Variants in EYA4 observed in about 807,000 individuals in gnomAD.
EYA4 encodes protein phosphatase EYA4.
In EYA4, 31 loss-of-function variants were observed where a neutral mutation model predicts 87.9. The observed-to-expected ratio is 0.35, with a 90% CI of 0.27 to 0.48. EYA4 has a LOEUF of 0.48. Ranked by LOEUF, EYA4 falls within the 20% of genes least tolerant of loss-of-function variation. The pLI is 0.99. For missense variants in EYA4, 678 were observed against 761.4 expected, an observed-to-expected ratio of 0.89 and a Z score of 1.29; for synonymous variants, 263 against 270.6, an observed-to-expected ratio of 0.97 and a Z score of 0.28.
In EYA4 at chr6:133,342,605, A is replaced by ATTATATATATATATATATC. The variant is rs1485897156; in HGVS notation, c.34-39787_34-39786insTTATATATATATATATATC. 9.2e-5 allele frequency among the ~76,000 whole-genome samples: 12 copies of ATTATATATATATATATATC among 130,438 alleles called. 1 individual carries two copies. Among genetic ancestry groups the ATTATATATATATATATATC allele is most frequent in the African/African-American group, 3.9e-4 (12 of 30,500 alleles). 85.6% of individuals were successfully genotyped at this position (130,438 alleles called of 152,430 possible). On this transcript the variant is annotated intron_variant, in intron 2 of 19. Coordinates refer to ENST00000355286, the MANE Select transcript of EYA4 (RefSeq NM_004100.5). The stretch of plus-strand genomic sequence containing the variant: ...TATATATATATATATATATATATAT[A>ATTATATATATATATATATC]ATTCTTTATATTTCTCTGGGCTTAA...
At chr6:133,333,667 A>G (rs1782150190) in intron 2 of EYA4, among the ~76,000 whole-genome samples, 1 of 152,198 alleles carries the variant, frequency 6.6e-6, no homozygotes, top group Non-Finnish European at 1.5e-5. Flanking sequence ...TTTTAGCCAC[A>G]GCAATGTCTA....
At position 133,342,574 on chromosome 6, in the gene EYA4, CATATATATATATATAT is replaced by C. The variant is rs56987430; in HGVS notation, c.34-39802_34-39787del. Among the ~76,000 whole-genome samples, 141 of 100,490 alleles carry C rather than the reference CATATATATATATATAT, an allele frequency of 1.4e-3. 3 individuals carry two copies. Among genetic ancestry groups the C allele is most frequent in the African/African-American group, 5.9e-3 (129 of 21,850 alleles). The allele number at this position is 100,490 out of a possible 152,430, so 65.9% of individuals were successfully genotyped here. A position where few individuals can be genotyped will look rare whatever the true frequency, so the allele number is the denominator to read the frequency against. On this transcript the variant is annotated intron_variant, in intron 2 of 19. Transcript: ENST00000355286. ...CCATCCAGTTTAAGGTACACACTGC[CATATATATATATATAT>C]ATATATATATATATAATTCTTTATA...
At chr6:133,387,186 G>T (rs1191544974) in intron 3 of EYA4, among the ~76,000 whole-genome samples, 1 of 152,180 alleles carries the variant, frequency 6.6e-6, no homozygotes, top group Non-Finnish European at 1.5e-5. Context: ...AGACAGTTGT[G>T]ATTTAATAAT....
intron 2 of EYA4, among the ~76,000 whole-genome samples, chr6:133,297,689 C>A (rs914026963): frequency 6.6e-6 from 1 of 152,210 alleles, no homozygotes; most frequent in Middle Eastern, 3.2e-3. Flanking sequence ...TACTTTCCTG[C>A]CATCCCCACC....
At chr6:133,444,173 C>T (rs1463315831) in intron 3 of EYA4, among the ~76,000 whole-genome samples, 3 of 152,120 alleles carry the variant, frequency 2.0e-5, no homozygotes, top group Non-Finnish European at 2.9e-5. Flanking sequence ...TCTGTTTCTT[C>T]CTTTAATTCT....
At chr6:133,459,287 G>A (rs910140986) in intron 6 of EYA4, among the ~76,000 whole-genome samples, 1 of 152,072 alleles carries the variant, frequency 6.6e-6, no homozygotes, top group African/African-American at 2.4e-5. Context: ...AGTGTTGTGA[G>A]TACATTATTC....
intron 3 of EYA4, among the ~76,000 whole-genome samples, chr6:133,441,368 G>A (rs1384381511): frequency 6.6e-6 from 1 of 152,114 alleles, no homozygotes; most frequent in Non-Finnish European, 1.5e-5. Flanking sequence ...GCAATATAGA[G>A]ATACATACTG....
At chr6:133,340,957 A>T (rs925166763) in intron 2 of EYA4, among the ~76,000 whole-genome samples, 1 of 152,202 alleles carries the variant, frequency 6.6e-6, no homozygotes, top group Non-Finnish European at 1.5e-5. Flanking sequence ...TATTCTGAAG[A>T]TTTAGCCAAC....
chr6:133,515,741 C>T (rs1406230953), intron 17 of EYA4, among the ~76,000 whole-genome samples: 1 of 151,726 alleles, frequency 6.6e-6, no homozygotes. Flanking sequence ...ACTGATAATC[C>T]CCACAGAATG....
intron 3 of EYA4, among the ~76,000 whole-genome samples, chr6:133,444,763 A>C (rs1792641055): frequency 6.6e-6 from 1 of 152,154 alleles, no homozygotes; most frequent in South Asian, 2.1e-4. Flanking sequence ...AGTTGGTAAC[A>C]CTCTCAGCAG....
At chr6:133,312,423 G>C (rs1259485826) in intron 2 of EYA4, among the ~76,000 whole-genome samples, 1 of 151,886 alleles carries the variant, frequency 6.6e-6, no homozygotes, top group Non-Finnish European at 1.5e-5. Flanking sequence ...GATAAAGCAA[G>C]AGAATATGAG....
At position 133,295,601 on chromosome 6, in the gene EYA4, C is replaced by G. The variant is rs556862893; in HGVS notation, c.33+20788C>G. Among the ~76,000 whole-genome samples, 3 of 152,016 alleles carry G rather than the reference C, an allele frequency of 2.0e-5. No homozygotes were observed. The South Asian group carries it at 6.2e-4, about 32-fold the overall frequency. On this transcript the variant is annotated intron_variant, in intron 2 of 19. Transcript: ENST00000355286. ...ATGTATGTATATTTGCAATTTTTAT[C>G]CTTGCAAAAATGACAAGTATAATTG...
intron 3 of EYA4, among the ~76,000 whole-genome samples, chr6:133,384,479 ATCAAT>A: frequency 6.6e-6 from 1 of 152,302 alleles, no homozygotes; most frequent in South Asian, 2.1e-4. Context: ...AATCAGGCAA[ATCAAT>A]TTCTAAGAAC....
intron 1 of EYA4, among the ~76,000 whole-genome samples, chr6:133,266,837 C>G (rs1029781439): frequency 6.6e-6 from 1 of 152,056 alleles, no homozygotes; most frequent in Non-Finnish European, 1.5e-5. Flanking sequence ...AATTTTAAAA[C>G]TTAAATCATC....
At chr6:133,481,369 T>A in intron 11 of EYA4, 94 bp from the exon 12 acceptor site, 1 of 1,237,748 alleles carries the variant, frequency 8.1e-7, no homozygotes, top group Non-Finnish European at 1.2e-6. Flanking sequence ...GAGGTTTCTA[T>A]TGTATAGGAA....
At chr6:133,450,825 T>A (rs141101260) in intron 5 of EYA4, among the ~76,000 whole-genome samples, 34 of 152,352 alleles carry the variant, frequency 2.2e-4, no homozygotes, top group African/African-American at 7.9e-4. Flanking sequence ...TTTTTTTAAT[T>A]GATATAAGTA....
chr6:133,518,180 A>G (rs1157338567), intron 17 of EYA4, among the ~76,000 whole-genome samples: 1 of 152,006 alleles, frequency 6.6e-6, no homozygotes, highest in Non-Finnish European at 1.5e-5. Flanking sequence ...ATTATTTCTA[A>G]AAGATGTCTT....
At position 133,529,589 on chromosome 6, in the gene EYA4, C is replaced by G; in HGVS notation, c.*784C>G. The G allele has an allele frequency of 9.1e-6, 9 of 984,156 alleles. No individual in the cohort carries two copies. The highest frequency in any genetic ancestry group is 1.1e-5 in the Non-Finnish European group (9 of 829,062). 61.0% of individuals were successfully genotyped at this position (984,156 alleles called of 1,614,324 possible). A position where few individuals can be genotyped will look rare whatever the true frequency, so the allele number is the denominator to read the frequency against. On this transcript the variant is annotated 3_prime_UTR_variant, in exon 20 of 20. Transcript: ENST00000355286. The stretch of plus-strand genomic sequence containing the variant: ...TGACCAAATTTAAAAGTCAAGCTCT[C>G]AGAGCTTAATTACCGCATCAGCAAG...
chr6:133,329,615 C>G (rs1781766107), intron 2 of EYA4, among the ~76,000 whole-genome samples: 1 of 151,954 alleles, frequency 6.6e-6, no homozygotes, highest in South Asian at 2.1e-4. Context: ...AATGTGGATG[C>G]CCATGAATGA....
Sources: allele counts gnomAD v4.1 joint callset (sites outside exome capture counted in the v4.1 genomes callset), GRCh38; gene constraint gnomAD v4.1.1; transcripts MANE v1.5; gene names NCBI Gene and HGNC (gene_info 2026-07-23, HGNC 2026-07-21).